IQCB1: variants seen among roughly 807,000 people sequenced by gnomAD.
IQCB1 encodes IQ motif containing B1, also known as IQ calmodulin-binding motif-containing protein 1.
IQCB1 carries 56 observed loss-of-function variants against 84.4 expected under a neutral mutation model. The ratio of observed to expected loss-of-function variants is 0.66; its 90% CI spans 0.54 to 0.83. The LOEUF (loss-of-function observed/expected upper bound fraction) is 0.83. Among genes scored for constraint, IQCB1 ranks in the 40% least tolerant of loss-of-function variants. IQCB1 has a pLI of 0.00. For missense variants in IQCB1, 629 were observed against 682.1 expected (o/e 0.92, Z 0.87); for synonymous variants, 210 against 234.8 (o/e 0.89, Z 0.96).
Position 121,817,123 on chromosome 3 carries a change from G to C in IQCB1, c.394-8114C>G, listed in dbSNP as rs562904207. Among the ~76,000 whole-genome samples the C allele has an allele frequency of 5.9e-5, 9 of 152,174 alleles. No individual in the cohort carries two copies. In the South Asian group the frequency reaches 1.9e-3, roughly 32 times the overall value. On this transcript the variant is annotated intron_variant, in intron 5 of 14. Coordinates refer to ENST00000310864, the MANE Select transcript of IQCB1 (RefSeq NM_001023570.4). Reference sequence around the variant, plus strand: ...GTCCTTTGCAGGGACATGGATGAAGGTGGAAACCATCATTCTCAGCAAACT... The same window carrying C: ...GTCCTTTGCAGGGACATGGATGAAGCTGGAAACCATCATTCTCAGCAAACT...
intron 6 of IQCB1, 142 bp downstream of exon 6, chr3:121,808,774 T>C (rs1378087941): frequency 1.0e-5 from 6 of 596,432 alleles, no homozygotes; most frequent in Admixed American, 6.2e-5. Flanking sequence ...TTTTAAAAAA[T>C]TGTGAGCTTA....
intron 9 of IQCB1, 142 bp from the exon 10 acceptor site, chr3:121,795,708 C>T: frequency 1.5e-6 from 1 of 647,630 alleles, no homozygotes; most frequent in Non-Finnish European, 2.8e-6. Context: ...ACCTTACCTC[C>T]CAAAGGAGGT....
At chr3:121,817,123 G>GT (rs1356022486) in intron 5 of IQCB1, among the ~76,000 whole-genome samples, 2 of 152,054 alleles carry the variant, frequency 1.3e-5, no homozygotes, top group Non-Finnish European at 2.9e-5. Flanking sequence ...ATGGATGAAG[G>GT]TGGAAACCAT....
Position 121,828,943 on chromosome 3 carries a change from T to C in IQCB1, c.18A>G (p.Thr6=). 6.2e-7 allele frequency: 1 copy of C among 1,609,494 alleles called. No individual in the cohort carries two copies. The highest frequency in any genetic ancestry group is 8.5e-7 in the Non-Finnish European group (1 of 1,176,556). Residue 6 remains threonine (T), a synonymous_variant, in exon 3 of 15, where the codon ACA becomes ACG. Coordinates refer to ENST00000310864, the MANE Select transcript of IQCB1 (RefSeq NM_001023570.4). ...CAGCTATAGATAAGATCCTTGGGTC[T>C]GTACCTGTTGGCTTCATTTCTCTTA... is the stretch of plus-strand genomic sequence containing the variant. MKPTG[T]DPRILSIAAE...
At chr3:121,786,215 G>GAGAAGAGAAGAGAAGAGAAGAGAA (rs59609336) in intron 12 of IQCB1, among the ~76,000 whole-genome samples, 4 of 147,208 alleles carry the variant, frequency 2.7e-5, no homozygotes, top group African/African-American at 1.0e-4. Flanking sequence ...GAAAAGAAAA[G>GAGAAGAGAAGAGAAGAGAAGAGAA]GATGCTTTAA....
chr3:121,802,483 A>C (rs896492156), intron 7 of IQCB1, among the ~76,000 whole-genome samples: 1 of 151,986 alleles, frequency 6.6e-6, no homozygotes, highest in Non-Finnish European at 1.5e-5. Flanking sequence ...TTACGATGTT[A>C]CCTCTCTAAT....
At chr3:121,816,331 A>G (rs1230321860) in intron 5 of IQCB1, among the ~76,000 whole-genome samples, 1 of 152,216 alleles carries the variant, frequency 6.6e-6, no homozygotes, top group East Asian at 1.9e-4. Flanking sequence ...AAGAAAACCT[A>G]GGCAATACCA....
chr3:121,803,130 C>T (rs1431771497), intron 7 of IQCB1, among the ~76,000 whole-genome samples: 1 of 152,104 alleles, frequency 6.6e-6, no homozygotes, highest in Admixed American at 6.6e-5. Flanking sequence ...TCTCAACTCA[C>T]CGTAACCTCT....
intron 7 of IQCB1, among the ~76,000 whole-genome samples, chr3:121,800,402 A>G (rs947623286): frequency 6.6e-6 from 1 of 151,968 alleles, no homozygotes; most frequent in Non-Finnish European, 1.5e-5. Context: ...TTACTAAAAT[A>G]ATTTTGTTAA....
chr3:121,773,547 G>T (rs1948097117), intron 13 of IQCB1, among the ~76,000 whole-genome samples: 1 of 152,122 alleles, frequency 6.6e-6, no homozygotes, highest in African/African-American at 2.4e-5. Flanking sequence ...GGGCAAGGAT[G>T]AAATAATCTT....
intron 13 of IQCB1, among the ~76,000 whole-genome samples, chr3:121,780,879 T>TGA (rs199923608): frequency 0.28 from 40,514 of 143,704 alleles, 5,779 homozygotes; most frequent in Admixed American, 0.44. Context: ...TGTGTGTGTG[T>TGA]GTGTGAGAGA....
intron 5 of IQCB1, among the ~76,000 whole-genome samples, chr3:121,821,587 T>C (rs1225273386): frequency 3.9e-5 from 6 of 152,226 alleles, no homozygotes; most frequent in African/African-American, 1.4e-4. Flanking sequence ...TCTGTGGCTA[T>C]AGTGAAAGTA....
chr3:121,791,569 G>C (rs1166876539), intron 10 of IQCB1, among the ~76,000 whole-genome samples: 1 of 152,190 alleles, frequency 6.6e-6, no homozygotes, highest in Non-Finnish European at 1.5e-5. Flanking sequence ...TAGTTGAATA[G>C]TTCTAAGTGT....
At chr3:121,770,603 G>T in intron 14 of IQCB1, 29 bp from the exon 15 acceptor site, 1 of 1,550,638 alleles carries the variant, frequency 6.4e-7, no homozygotes, top group Non-Finnish European at 8.9e-7. Flanking sequence ...AAACAGATGA[G>T]CAGAAGAGTC....
chr3:121,812,379 G>A (rs964417619), intron 5 of IQCB1, among the ~76,000 whole-genome samples: 4 of 152,136 alleles, frequency 2.6e-5, no homozygotes, highest in Admixed American at 6.5e-5. Context: ...CCAAATGATC[G>A]CGATTCCTCC....
intron 7 of IQCB1, among the ~76,000 whole-genome samples, chr3:121,801,294 T>A (rs181967909): frequency 6.6e-6 from 1 of 152,210 alleles, no homozygotes; most frequent in East Asian, 1.9e-4. Flanking sequence ...ATTTGAGTTT[T>A]AGCTAGTCCT....
intron 6 of IQCB1, 45 bp from the exon 7 acceptor site, chr3:121,807,488 T>C (rs772032900): frequency 4.0e-6 from 4 of 988,644 alleles, no homozygotes; most frequent in Non-Finnish European, 6.5e-6. Flanking sequence ...AAAGATTTTA[T>C]GATAACAAAG....
intron 7 of IQCB1, among the ~76,000 whole-genome samples, chr3:121,805,252 A>G (rs1377674729): frequency 6.6e-6 from 1 of 152,188 alleles, no homozygotes; most frequent in African/African-American, 2.4e-5. Flanking sequence ...TAGCATAGTC[A>G]TGACTGTATA....
In IQCB1 at chr3:121,799,729, T is replaced by A. The variant is rs142944310; in HGVS notation, c.588-355A>T. Among the ~76,000 whole-genome samples the A allele has an allele frequency of 2.4e-3, 361 of 151,906 alleles. 5 individuals carry two copies. The highest frequency in any genetic ancestry group is 1.9e-3 in the East Asian group (10 of 5,186). Reference sequence around the variant, plus strand: ...CTTCAAGGCAATGATAAAAGTGAAATCAAGACAGGTACACAGTTAATTTTT... The same window carrying A: ...CTTCAAGGCAATGATAAAAGTGAAAACAAGACAGGTACACAGTTAATTTTT... On this transcript the variant is annotated intron_variant, in intron 7 of 14. Coordinates refer to ENST00000310864, the MANE Select transcript of IQCB1 (RefSeq NM_001023570.4).
Sources: gnomAD v4.1 joint callset for allele counts (sites outside exome capture counted in the v4.1 genomes callset) on GRCh38, gnomAD v4.1.1 for gene constraint, MANE v1.5 for transcripts, NCBI Gene and HGNC (gene_info 2026-07-23, HGNC 2026-07-21) for gene names.